The following ABCC1 variants were observed in gnomAD, a reference collection of about 807,000 sequenced individuals.
The protein encoded by ABCC1 is multidrug resistance-associated protein 1.
In ABCC1, 83 loss-of-function variants were observed where a neutral mutation model predicts 172.9. The ratio of observed to expected loss-of-function variants is 0.48; its 90% CI spans 0.40 to 0.58. ABCC1 has a LOEUF of 0.58. ABCC1 is among the 20% of genes least tolerant of loss of function. The probability of loss-of-function intolerance (pLI) is 0.00; values close to 1 mark genes in which losing one functional copy is unlikely to be tolerated. For missense variants in ABCC1, 1,817 were observed against 2,002.7 expected (o/e 0.91, Z 1.77); for synonymous variants, 937 against 825.2 (o/e 1.14, Z -2.32).
intron 6 of ABCC1, among the ~76,000 whole-genome samples, chr16:16,033,377 C>T (rs1202149710): frequency 6.6e-6 from 1 of 152,106 alleles, no homozygotes; most frequent in Non-Finnish European, 1.5e-5. Context: ...GTGATAAACA[C>T]GTGAGCCGTG....
chr16:15,952,481 C>G (rs532031571), intron 1 of ABCC1, among the ~76,000 whole-genome samples: 144 of 151,918 alleles, frequency 9.5e-4, no homozygotes, highest in Non-Finnish European at 1.8e-3. Context: ...TCCAGAAAAC[C>G]CAGAAGATGG....
Position 16,136,484 on chromosome 16 carries a change from G to C in ABCC1, c.4132G>C (p.Val1378Leu), listed in dbSNP as rs2045922567. 3 of 1,614,056 alleles carry C rather than the reference G, an allele frequency of 1.9e-6. No homozygotes were observed. Among genetic ancestry groups the C allele is most frequent in the Non-Finnish European group, 1.7e-6 (2 of 1,180,046 alleles). The change falls in exon 29 of 31, where the codon GTT becomes CTT. Residue 1378 changes from valine (V) to leucine (L), a missense_variant. This residue lies in a region of ABCC1 where 1,412 missense variants were observed against 1,600.3 expected (regional missense o/e 0.88). Transcript: ENST00000399410. ...CTCTCTTCTCTCTGAACAGGACCCT[G>C]TTTTGTTTTCGGGTTCCCTCCGAAT... ...FKITIIPQDPVLFSGSLRMNL... is the reference protein window; with the variant it reads ...FKITIIPQDPLLFSGSLRMNL...
At chr16:15,959,520 C>A (rs918451827) in intron 1 of ABCC1, among the ~76,000 whole-genome samples, 8 of 152,018 alleles carry the variant, frequency 5.3e-5, no homozygotes, top group Non-Finnish European at 7.4e-5. Flanking sequence ...GAGTCAGGGT[C>A]TCACCATGTT....
At position 16,006,868 on chromosome 16, in the gene ABCC1, TGGC is replaced by T. The variant is rs1184603513; in HGVS notation, c.49-945_49-943del. On this transcript the variant is annotated intron_variant, in intron 1 of 30. Transcript: ENST00000399410. ...GTGGTGGTGGCGGTGGCGGTGGCGG[TGGC>T]GGTGGCGGTGATGGTGGTGGTGATG... 5.9e-5 allele frequency among the ~76,000 whole-genome samples: 9 copies of T among 151,424 alleles called. No individual in the cohort carries two copies. In the East Asian group the frequency reaches 1.8e-3, roughly 30 times the overall value.
intron 12 of ABCC1, among the ~76,000 whole-genome samples, chr16:16,065,560 G>A (rs537434206): frequency 2.6e-5 from 4 of 152,280 alleles, no homozygotes; most frequent in South Asian, 4.1e-4. Flanking sequence ...AGCCTCCCTA[G>A]TAGCTGGGAC....
In ABCC1 at chr16:16,036,303, T is replaced by G. The variant is rs114876110; in HGVS notation, c.678-169T>G. Among the ~76,000 whole-genome samples the G allele has an allele frequency of 5.1e-3, 778 of 152,086 alleles. 15 individuals carry two copies. The highest frequency in any genetic ancestry group is 0.018 in the African/African-American group (752 of 41,494). On this transcript the variant is annotated intron_variant, in intron 6 of 30. Coordinates refer to ENST00000399410, the MANE Select transcript of ABCC1 (RefSeq NM_004996.4). ...AATTAGCTTGTAATATATGCAAATG[T>G]CCATCTGCATTCTGACTTCCCAAGC...
intron 1 of ABCC1, among the ~76,000 whole-genome samples, chr16:15,952,143 C>T (rs1441101986): frequency 6.6e-6 from 1 of 152,188 alleles, no homozygotes; most frequent in Admixed American, 6.5e-5. Context: ...AATGTGGCAG[C>T]CTTCTTGGGT....
intron 23 of ABCC1, 72 bp from the exon 24 acceptor site, chr16:16,121,903 A>C: frequency 5.2e-6 from 8 of 1,544,798 alleles, no homozygotes; most frequent in Non-Finnish European, 7.1e-6. Flanking sequence ...GATGTTCTCC[A>C]GCACAGCCCT....
At chr16:16,024,198 G>A (rs150231003) in intron 5 of ABCC1, among the ~76,000 whole-genome samples, 6 of 152,108 alleles carry the variant, frequency 3.9e-5, no homozygotes, top group African/African-American at 7.2e-5. Context: ...CAGTCTGGGC[G>A]ACAGAGCAAG....
intron 8 of ABCC1, 106 bp downstream of exon 8, chr16:16,044,786 T>A: frequency 5.0e-6 from 5 of 1,005,806 alleles, no homozygotes; most frequent in Non-Finnish European, 7.5e-6. Context: ...TGAAGTGGGC[T>A]CATAGCCAGA....
In ABCC1 at chr16:16,114,770, C is replaced by T. The variant is rs756896795; in HGVS notation, c.3084C>T (p.Ile1028=). ...TTTAACTCCGAGTGTCTGCAGGGAT[C>T]GCCGTGTTTGGCTACTCCATGGCCG... ...VYGALGISQG[I]AVFGYSMAVS... The change falls in exon 23 of 31, where the codon ATC becomes ATT. Residue 1028 remains isoleucine (I), a synonymous_variant. Transcript: ENST00000399410. 99 of 1,591,762 alleles carry T rather than the reference C, an allele frequency of 6.2e-5. 1 individual carries two copies. In the South Asian group the frequency reaches 8.9e-4, roughly 14 times the overall value.
At position 16,134,385 on chromosome 16, in the gene ABCC1, G is replaced by A. The variant is rs2230671; in HGVS notation, c.4002G>A (p.Ser1334=). The A allele has an allele frequency of 0.26, 421,988 of 1,613,802 alleles. 57,722 individuals are homozygous for A. Among genetic ancestry groups the A allele is most frequent in the Admixed American group, 0.3 (18,249 of 60,000 alleles). ...GIVGRTGAGK[S]SLTLGLFRIN... is the part of the protein sequence containing the mutation. ...TGGGGCGGACGGGAGCTGGGAAGTC[G>A]TCCCTGACCCTGGGCTTATTTCGGA... The change falls in exon 28 of 31, where the codon TCG becomes TCA. Residue 1334 remains serine, a synonymous_variant. Transcript: ENST00000399410.
At position 16,036,460 on chromosome 16, in the gene ABCC1, T is replaced by C. The variant is rs772533560; in HGVS notation, c.678-12T>C. 6.2e-7 allele frequency: 1 copy of C among 1,610,956 alleles called. No individual in the cohort carries two copies. The highest frequency in any genetic ancestry group is 1.1e-5 in the South Asian group (1 of 90,642). The stretch of plus-strand genomic sequence containing the variant: ...ACTCTCATTGCCTAACCCCCTTGTG[T>C]CTTGGCCCCAGGTTGATTGTCCGGG... On this transcript the variant is annotated splice_polypyrimidine_tract_variant and intron_variant, in intron 6 of 30. Transcript: ENST00000399410.
At chr16:15,981,118 G>A (rs1404368081) in intron 1 of ABCC1, among the ~76,000 whole-genome samples, 2 of 152,224 alleles carry the variant, frequency 1.3e-5, no homozygotes, top group African/African-American at 2.4e-5. Context: ...ATGGCCTTGG[G>A]CAGCTCTGCC....
intron 1 of ABCC1, among the ~76,000 whole-genome samples, chr16:15,980,882 T>C (rs541789729): frequency 6.6e-6 from 1 of 152,276 alleles, no homozygotes; most frequent in East Asian, 1.9e-4. Flanking sequence ...CCTATTAGCC[T>C]GTAAAACTGA....
rs2046172420 is a variant in ABCC1, at chr16:16,142,747, G to A, written c.*1466G>A. 5 of 152,236 alleles carry A rather than the reference G, an allele frequency of 3.3e-5. No homozygotes were observed. In the South Asian group the frequency reaches 1.0e-3, roughly 32 times the overall value. The allele number at this position is 152,236 out of a possible 1,614,324, so 9.4% of individuals were successfully genotyped here. Reference sequence around the variant, plus strand: ...TGTTTGAAACCGTGTTGGTCTCTGTGTTCCTGGAAGAAAACAGGGAAGCAG... The same window carrying A: ...TGTTTGAAACCGTGTTGGTCTCTGTATTCCTGGAAGAAAACAGGGAAGCAG... On this transcript the variant is annotated 3_prime_UTR_variant, in exon 31 of 31. Transcript: ENST00000399410.
At chr16:16,060,868 G>T (rs1235785538) in intron 12 of ABCC1, among the ~76,000 whole-genome samples, 2 of 151,922 alleles carry the variant, frequency 1.3e-5, no homozygotes, top group Non-Finnish European at 2.9e-5. Context: ...CCAGGCTGGA[G>T]TGCATTGGCA....
In ABCC1 at chr16:16,114,860, G is replaced by A; in HGVS notation, c.3174G>A (p.Arg1058=). Residue 1058 remains arginine, a synonymous_variant, in exon 23 of 31, where the codon CGG becomes CGA. Transcript: ENST00000399410. The part of the protein sequence containing the change: ...LHVDLLHSIL[R]SPMSFFERTP... ...TGGACCTGCTGCACAGCATCCTGCG[G>A]TCACCCATGAGCTTCTTTGAGCGGA... 6.2e-7 allele frequency: 1 copy of A among 1,614,008 alleles called. No individual in the cohort carries two copies. Among genetic ancestry groups the A allele is most frequent in the African/African-American group, 1.3e-5 (1 of 75,062 alleles).
At chr16:16,141,145 C>A (rs2046111790) in intron 30 of ABCC1, 28 bp from the exon 31 acceptor site, 1 of 1,606,134 alleles carries the variant, frequency 6.2e-7, no homozygotes, top group Non-Finnish European at 8.5e-7. Context: ...CTCCCCTTCC[C>A]CTCATGTCTG....
Sources: allele counts gnomAD v4.1 joint callset (sites outside exome capture counted in the v4.1 genomes callset), GRCh38; gene constraint gnomAD v4.1.1; regional missense constraint gnomAD v4.1.1; transcripts MANE v1.5; gene names NCBI Gene and HGNC (gene_info 2026-07-23, HGNC 2026-07-21).